The following LOC114841035 variants were observed in gnomAD, a reference collection of about 807,000 sequenced individuals.
chr11:64,244,104 A>C, the LOC114841035 span: 4 of 1,527,726 alleles, frequency 2.6e-6, no homozygotes, highest in Non-Finnish European at 3.6e-6. Flanking sequence ...AAAAAACAAA[A>C]ACAAACAAAA....
At chr11:64,243,270 C>A in the LOC114841035 span, 1 of 1,611,508 alleles carries the variant, frequency 6.2e-7, no homozygotes, top group Non-Finnish European at 8.5e-7. Flanking sequence ...TCTCCCTTGG[C>A]ACAGGCCAGG....
the LOC114841035 span, chr11:64,244,086 A>G: frequency 1.3e-6 from 2 of 1,568,798 alleles, no homozygotes; most frequent in East Asian, 4.5e-5. Context: ...CTGTTCCAAA[A>G]AAAAAACAAA....
chr11:64,242,411 CCTGACAGTA>C, the LOC114841035 span: 2 of 1,546,980 alleles, frequency 1.3e-6, no homozygotes, highest in East Asian at 2.5e-5. Flanking sequence ...GGTTCCGGGT[CCTGACAGTA>C]CTGTCCATCT....
the LOC114841035 span, chr11:64,243,189 G>T: frequency 1.8e-5 from 29 of 1,613,054 alleles, no homozygotes; most frequent in South Asian, 3.1e-4. Flanking sequence ...GCCTTCTCAT[G>T]GTTCCACAGG....
the LOC114841035 span, chr11:64,242,362 C>A: frequency 1.4e-6 from 2 of 1,476,074 alleles, no homozygotes; most frequent in South Asian, 2.8e-5. Flanking sequence ...TTCAGTCGGT[C>A]GGTCGGGGTC....
the LOC114841035 span, chr11:64,242,590 G>A: frequency 6.6e-7 from 1 of 1,523,152 alleles, no homozygotes; most frequent in Non-Finnish European, 8.8e-7. Context: ...TTTGGGAGTG[G>A]GTGGGGCTTC....
the LOC114841035 span, chr11:64,242,061 G>A: frequency 6.2e-5 from 16 of 259,686 alleles, no homozygotes; most frequent in East Asian, 1.3e-3. Flanking sequence ...TTGCGTAAAG[G>A]GACAGGCGGG....
chr11:64,242,368 G>A, the LOC114841035 span: 1 of 1,497,592 alleles, frequency 6.7e-7, no homozygotes, highest in South Asian at 1.3e-5. Context: ...CGGTCGGTCG[G>A]GGTCTGTGCC....
At chr11:64,243,970 G>T in the LOC114841035 span, 1 of 1,613,952 alleles carries the variant, frequency 6.2e-7, no homozygotes, top group East Asian at 2.2e-5. Context: ...CCCTACAGGT[G>T]GTGCAACCCT....
At chr11:64,242,441 C>G in the LOC114841035 span, 1 of 1,550,510 alleles carries the variant, frequency 6.4e-7, no homozygotes, top group Non-Finnish European at 8.7e-7. Flanking sequence ...GCCTGAGCGC[C>G]GTGGCCACGG....
chr11:64,242,215 T>G, the LOC114841035 span: 3 of 577,036 alleles, frequency 5.2e-6, no homozygotes, highest in Non-Finnish European at 8.4e-6. Context: ...ACTGGACTGG[T>G]AAGTGTGGCC....
the LOC114841035 span, chr11:64,244,082 C>CAAA: frequency 1.1e-5 from 14 of 1,275,542 alleles, no homozygotes; most frequent in Non-Finnish European, 1.5e-5. Context: ...CAGACTGTTC[C>CAAA]AAAAAAAAAA....
At chr11:64,243,153 C>A in the LOC114841035 span, 2 of 1,553,960 alleles carry the variant, frequency 1.3e-6, no homozygotes, top group South Asian at 2.2e-5. Flanking sequence ...GAGGGGGTGT[C>A]AGGGGTGGTC....
chr11:64,241,124 G>A, the LOC114841035 span: 3 of 152,462 alleles, frequency 2.0e-5, no homozygotes, highest in Non-Finnish European at 1.5e-5. Context: ...CCGGGGGCGC[G>A]GCGAGGAGGT....
chr11:64,242,737 GCAGTGA>G, the LOC114841035 span, among the ~76,000 whole-genome samples: 2 of 152,174 alleles, frequency 1.3e-5, no homozygotes, highest in Non-Finnish European at 2.9e-5. Context: ...GCACCAGCAG[GCAGTGA>G]CAGTGTACTG....
chr11:64,243,821 T>C, the LOC114841035 span: 1 of 1,613,960 alleles, frequency 6.2e-7, no homozygotes, highest in Non-Finnish European at 8.5e-7. Context: ...ACTGACTGTT[T>C]CTTTGTGCAT....
chr11:64,243,107 C>A, the LOC114841035 span: 4 of 1,099,940 alleles, frequency 3.6e-6, no homozygotes, highest in Non-Finnish European at 5.5e-6. Context: ...TGTGGGTGGG[C>A]GTGGGGGGGC....
chr11:64,243,011 G>T, the LOC114841035 span, among the ~76,000 whole-genome samples: 1 of 152,220 alleles, frequency 6.6e-6, no homozygotes, highest in Admixed American at 6.5e-5. Flanking sequence ...GGCAGAGGCT[G>T]CAGGGAGGCG....
the LOC114841035 span, chr11:64,243,172 C>T: frequency 1.2e-6 from 2 of 1,608,062 alleles, no homozygotes; most frequent in South Asian, 1.1e-5. Context: ...TCCCCTCTTC[C>T]TCACTGGCCT....
Sources: gnomAD v4.1 joint callset for allele counts (sites outside exome capture counted in the v4.1 genomes callset) on GRCh38, gnomAD v4.1.1 for gene constraint, MANE v1.5 for transcripts.